LRRTM4: variants seen among roughly 807,000 people sequenced by gnomAD.
LRRTM4 encodes the protein leucine rich repeat transmembrane neuronal 4.
A neutral mutation model predicts 47.6 loss-of-function variants in LRRTM4; 25 were observed. The observed-to-expected ratio is 0.53, with a 90% CI of 0.38 to 0.73. LRRTM4 has a LOEUF of 0.73. Among genes scored for constraint, LRRTM4 ranks in the 30% least tolerant of loss-of-function variants. LRRTM4 has a pLI of 0.00. For synonymous variants in LRRTM4, 311 were observed against 269.5 expected, an observed-to-expected ratio of 1.15 and a Z score of -1.51; for missense variants, 638 against 713.4, an observed-to-expected ratio of 0.89 and a Z score of 1.20.
chr2:77,394,855 A>T (rs1004162632), intron 3 of LRRTM4, among the ~76,000 whole-genome samples: 1 of 151,928 alleles, frequency 6.6e-6, no homozygotes, highest in Non-Finnish European at 1.5e-5. Context: ...GTGGTCTCTT[A>T]TCAGAAGAAA....
intron 3 of LRRTM4, among the ~76,000 whole-genome samples, chr2:77,336,387 C>T (rs1340701010): frequency 2.0e-5 from 3 of 152,068 alleles, no homozygotes; most frequent in African/African-American, 7.2e-5. Flanking sequence ...TACCAGTTAG[C>T]TCATAATTTT....
At position 77,354,171 on chromosome 2, in the gene LRRTM4, T is replaced by C. The variant is rs375024355; in HGVS notation, c.1551+164147A>G. Among the ~76,000 whole-genome samples the C allele has an allele frequency of 4.8e-4, 73 of 152,196 alleles. 1 individual carries two copies. The South Asian group carries it at 0.015, about 31-fold the overall frequency. On this transcript the variant is annotated intron_variant, in intron 3 of 3. Transcript: ENST00000409884. ...TGGTAAACTGATATGGCACCAGTGG[T>C]CATGTCTTAAGGAGAGATGCTTTTG...
At chr2:77,214,225 G>T (rs1674374775) in intron 3 of LRRTM4, among the ~76,000 whole-genome samples, 1 of 152,150 alleles carries the variant, frequency 6.6e-6, no homozygotes. Flanking sequence ...TAAAATGAAT[G>T]CACGGGACAA....
At chr2:77,019,187 C>T (rs1007992729) in intron 3 of LRRTM4, among the ~76,000 whole-genome samples, 5 of 132,170 alleles carry the variant, frequency 3.8e-5, no homozygotes, top group African/African-American at 1.5e-4. Context: ...ATGGATAGTA[C>T]TGAGTTTTAC....
chr2:76,798,115 T>G (rs371748413), intron 3 of LRRTM4, among the ~76,000 whole-genome samples: 1 of 151,912 alleles, frequency 6.6e-6, no homozygotes, highest in Non-Finnish European at 1.5e-5. Context: ...AGACATCTAC[T>G]GAACTCTCCA....
intron 3 of LRRTM4, among the ~76,000 whole-genome samples, chr2:77,187,480 G>C (rs899792875): frequency 1.4e-5 from 2 of 143,684 alleles, no homozygotes; most frequent in Non-Finnish European, 3.0e-5. Flanking sequence ...GTTGTGGGGT[G>C]GGGGGAGGGA....
intron 3 of LRRTM4, among the ~76,000 whole-genome samples, chr2:76,807,459 C>CATATATACATAT (rs1670547775): frequency 2.3e-5 from 2 of 85,630 alleles, no homozygotes; most frequent in Admixed American, 1.2e-4. Context: ...TATATATATA[C>CATATATACATAT]ATATATATAT....
chr2:76,833,761 A>C (rs909773533), intron 3 of LRRTM4, among the ~76,000 whole-genome samples: 1 of 151,826 alleles, frequency 6.6e-6, no homozygotes. Context: ...AAATGAGACA[A>C]TTTTAAATTA....
At chr2:76,966,470 A>C in intron 3 of LRRTM4, among the ~76,000 whole-genome samples, 1 of 151,652 alleles carries the variant, frequency 6.6e-6, no homozygotes, top group East Asian at 2.0e-4. Context: ...ACAAATATTG[A>C]ATCCTTTTCA....
At chr2:77,030,401 C>G (rs1049470629) in intron 3 of LRRTM4, among the ~76,000 whole-genome samples, 1 of 152,138 alleles carries the variant, frequency 6.6e-6, no homozygotes, top group Non-Finnish European at 1.5e-5. Context: ...CCACTGCACT[C>G]CAGCCTGGGT....
intron 3 of LRRTM4, among the ~76,000 whole-genome samples, chr2:77,067,037 C>A (rs1679979371): frequency 6.6e-6 from 1 of 152,146 alleles, no homozygotes; most frequent in South Asian, 2.1e-4. Context: ...GGGGTTCTGA[C>A]ACTCCGTTAG....
intron 3 of LRRTM4, among the ~76,000 whole-genome samples, chr2:76,941,058 GTC>G (rs1675125838): frequency 6.6e-6 from 1 of 152,044 alleles, no homozygotes. Context: ...AATTTGATTT[GTC>G]TTTCAACAGA....
intron 3 of LRRTM4, among the ~76,000 whole-genome samples, chr2:77,441,902 A>C (rs140303168): frequency 6.6e-6 from 1 of 152,316 alleles, no homozygotes; most frequent in Non-Finnish European, 1.5e-5. Context: ...TATGGTCAAA[A>C]GTCTTCTTTT....
intron 3 of LRRTM4, among the ~76,000 whole-genome samples, chr2:76,931,035 T>C (rs1490437315): frequency 6.6e-6 from 1 of 152,122 alleles, no homozygotes; most frequent in Non-Finnish European, 1.5e-5. Flanking sequence ...TTGAGGTATT[T>C]TACATTTGTT....
At chr2:77,359,202 T>C (rs1672085833) in intron 3 of LRRTM4, among the ~76,000 whole-genome samples, 1 of 152,172 alleles carries the variant, frequency 6.6e-6, no homozygotes, top group Admixed American at 6.5e-5. Flanking sequence ...TTATTTTATG[T>C]TCTTGTTTTA....
intron 3 of LRRTM4, among the ~76,000 whole-genome samples, chr2:77,461,564 A>T (rs1676790221): frequency 6.6e-6 from 1 of 152,142 alleles, no homozygotes; most frequent in Admixed American, 6.6e-5. Context: ...TAAAGTAATC[A>T]TAGGAATATC....
chr2:76,776,315 T>A (rs901746947), intron 3 of LRRTM4, among the ~76,000 whole-genome samples: 4 of 152,174 alleles, frequency 2.6e-5, no homozygotes, highest in East Asian at 1.9e-4. Context: ...CAGTTCCAGA[T>A]CCCTGAGGAA....
rs915480507 is a variant in LRRTM4, at chr2:77,073,733, T to C, written c.1552-324817A>G. 3.3e-5 allele frequency among the ~76,000 whole-genome samples: 5 copies of C among 152,186 alleles called. No individual in the cohort carries two copies. The East Asian group carries it at 9.6e-4, about 29-fold the overall frequency. ...ATGTTGCAGAAAACTCTCATTTCCC[T>C]TCCTTTATAATGTTTTTTTCTGTCT... is the stretch of plus-strand genomic sequence containing the variant. On this transcript the variant is annotated intron_variant, in intron 3 of 3. Coordinates refer to ENST00000409884, the MANE Select transcript of LRRTM4 (RefSeq NM_001134745.3).
chr2:77,031,072 AG>A (rs1302432372), intron 3 of LRRTM4, among the ~76,000 whole-genome samples: 1 of 152,178 alleles, frequency 6.6e-6, no homozygotes. Context: ...GAATTTACTC[AG>A]GTTTGTAAGC....
Sources: gnomAD v4.1 joint callset for allele counts (sites outside exome capture counted in the v4.1 genomes callset) on GRCh38, gnomAD v4.1.1 for gene constraint, MANE v1.5 for transcripts, NCBI Gene and HGNC (gene_info 2026-07-23, HGNC 2026-07-21) for gene names.